GAP43: variants seen among roughly 807,000 people sequenced by gnomAD.
The protein encoded by GAP43 is neuromodulin.
A neutral mutation model predicts 18.6 loss-of-function variants in GAP43; 6 were observed. The ratio of observed to expected loss-of-function variants is 0.32; its 90% CI spans 0.18 to 0.64. The LOEUF is 0.64. Among genes scored for constraint, GAP43 ranks in the 30% least tolerant of loss-of-function variants. The pLI is 0.78. For synonymous variants in GAP43, 115 were observed against 111.4 expected (o/e 1.03, Z -0.20); for missense variants, 292 against 295.5 (o/e 0.99, Z 0.09).
chr3:115,666,030 G>A (rs1708729145), intron 1 of GAP43, among the ~76,000 whole-genome samples: 1 of 142,996 alleles, frequency 7.0e-6, no homozygotes, highest in South Asian at 2.2e-4. Context: ...GTGTGTGTGT[G>A]TGGTTGGGGG....
chr3:115,623,778 C>T, intron 1 of GAP43, 59 bp downstream of exon 1: 3 of 1,593,574 alleles, frequency 1.9e-6, no homozygotes, highest in South Asian at 2.2e-5. Context: ...ACAGTATTTC[C>T]CCGTAAAGGC....
chr3:115,652,840 G>A (rs1016825804), intron 1 of GAP43, among the ~76,000 whole-genome samples: 20 of 152,186 alleles, frequency 1.3e-4, no homozygotes, highest in African/African-American at 4.8e-4. Context: ...TCAGACCACC[G>A]TCTTGAGACA....
chr3:115,713,171 T>TTTA lies in GAP43; in HGVS notation c.629-7607_629-7605dup, dbSNP rs561654146. Among the ~76,000 whole-genome samples the TTTA allele has an allele frequency of 5.1e-3, 778 of 152,192 alleles. 5 individuals carry two copies. Among genetic ancestry groups the TTTA allele is most frequent in the Non-Finnish European group, 6.9e-3 (469 of 68,008 alleles). ...ATATGTGAGTTAGCTGCCAAAGATT[T>TTTA]TTATTATTATTATTATTACTTTCCT... On this transcript the variant is annotated intron_variant, in intron 2 of 2. Transcript: ENST00000305124.
intron 1 of GAP43, among the ~76,000 whole-genome samples, chr3:115,669,861 C>T (rs186885011): frequency 2.8e-4 from 43 of 151,998 alleles, no homozygotes; most frequent in Middle Eastern, 6.8e-3. Context: ...TGCTTCTCTG[C>T]GCACTCTGCT....
chr3:115,659,380 T>C (rs755639837), intron 1 of GAP43, among the ~76,000 whole-genome samples: 146 of 152,164 alleles, frequency 9.6e-4, no homozygotes, highest in Admixed American at 2.6e-3. Flanking sequence ...AGTTTCTTTT[T>C]CGGGGGGGAG....
intron 1 of GAP43, among the ~76,000 whole-genome samples, chr3:115,625,250 T>TG (rs1321062024): frequency 7.0e-6 from 1 of 143,438 alleles, no homozygotes; most frequent in African/African-American, 2.7e-5. Flanking sequence ...CTGGATTGTG[T>TG]GGGGCTATTT....
chr3:115,690,932 T>C (rs1188330609), intron 2 of GAP43, among the ~76,000 whole-genome samples: 1 of 151,942 alleles, frequency 6.6e-6, no homozygotes, highest in African/African-American at 2.4e-5. Context: ...ACTTTTTGTA[T>C]TTTTAGTAGA....
At chr3:115,683,923 G>A (rs561946007) in intron 2 of GAP43, among the ~76,000 whole-genome samples, 14 of 152,052 alleles carry the variant, frequency 9.2e-5, no homozygotes, top group East Asian at 7.7e-4. Flanking sequence ...GCTATTGAAC[G>A]TCCCGAGAAA....
chr3:115,697,984 CGTGTGTGTGT>C (rs62915860), intron 2 of GAP43, among the ~76,000 whole-genome samples: 1 of 110,882 alleles, frequency 9.0e-6, no homozygotes. Context: ...AGTACATGTG[CGTGTGTGTGT>C]GTGTGTGTGT....
intron 2 of GAP43, among the ~76,000 whole-genome samples, chr3:115,698,254 AAT>A (rs1221151292): frequency 3.7e-5 from 2 of 54,442 alleles, no homozygotes; most frequent in African/African-American, 1.4e-4. Context: ...TATAATATAT[AAT>A]ATATATAAAA....
At chr3:115,711,429 T>C (rs577343349) in intron 2 of GAP43, among the ~76,000 whole-genome samples, 2 of 152,200 alleles carry the variant, frequency 1.3e-5, no homozygotes, top group African/African-American at 4.8e-5. Context: ...AAAGAGCTCC[T>C]GAAACTCAGG....
intron 1 of GAP43, among the ~76,000 whole-genome samples, chr3:115,635,826 A>G (rs1708321737): frequency 1.3e-5 from 2 of 151,992 alleles, no homozygotes; most frequent in African/African-American, 4.8e-5. Context: ...GAAACTATTG[A>G]TTCTTAGCTA....
At chr3:115,688,035 G>C (rs1407097011) in intron 2 of GAP43, among the ~76,000 whole-genome samples, 1 of 151,730 alleles carries the variant, frequency 6.6e-6, no homozygotes, top group Admixed American at 6.6e-5. Context: ...ATTTATGTTT[G>C]AGATGGAGTC....
In GAP43 at chr3:115,671,103, G is replaced by A. The variant is rs531177747; in HGVS notation, c.31-4910G>A. Among the ~76,000 whole-genome samples the A allele has an allele frequency of 3.3e-5, 5 of 152,284 alleles. No homozygotes were observed. In the South Asian group the frequency reaches 1.0e-3, roughly 32 times the overall value. On this transcript the variant is annotated intron_variant, in intron 1 of 2. Coordinates refer to ENST00000305124, the MANE Select transcript of GAP43 (RefSeq NM_002045.4). ...ACTGGGAAAAGTGAAATGCATTGAG[G>A]TATCCCAGATGAATGGATGATGTTA...
At chr3:115,636,985 A>T (rs1420315200) in intron 1 of GAP43, among the ~76,000 whole-genome samples, 1 of 152,022 alleles carries the variant, frequency 6.6e-6, no homozygotes. Flanking sequence ...TTTAAGTATT[A>T]ATTTTCCTAT....
rs901045424 is a variant in GAP43, at chr3:115,663,787, G to A, written c.31-12226G>A. ...ATTGGCAGACACTGGCGATGACAAA[G>A]TCCTGCTCTGAATTATGCCACCCCG... On this transcript the variant is annotated intron_variant, in intron 1 of 2. Transcript: ENST00000305124. The A allele has an allele frequency of 4.5e-6, 7 of 1,551,736 alleles. No homozygotes were observed. The Admixed American group carries it at 9.8e-5, about 22-fold the overall frequency.
chr3:115,682,834 T>C (rs148621615), intron 2 of GAP43, among the ~76,000 whole-genome samples: 1 of 152,308 alleles, frequency 6.6e-6, no homozygotes, highest in East Asian at 1.9e-4. Flanking sequence ...CTGGCCCTTT[T>C]ATTAACTCTT....
chr3:115,692,667 G>A (rs1044187429), intron 2 of GAP43, among the ~76,000 whole-genome samples: 1 of 152,156 alleles, frequency 6.6e-6, no homozygotes, highest in Admixed American at 6.5e-5. Context: ...AGAAGGTAGG[G>A]TATGTTGGAC....
intron 1 of GAP43, among the ~76,000 whole-genome samples, chr3:115,625,789 T>G (rs1466331605): frequency 6.6e-6 from 1 of 152,182 alleles, no homozygotes; most frequent in African/African-American, 2.4e-5. Flanking sequence ...GAAATTGTGT[T>G]TAGAGTTGTA....
Sources: allele counts gnomAD v4.1 joint callset (sites outside exome capture counted in the v4.1 genomes callset), GRCh38; gene constraint gnomAD v4.1.1; transcripts MANE v1.5; gene names NCBI Gene and HGNC (gene_info 2026-07-23, HGNC 2026-07-21).